MATCAP1: variants seen among roughly 807,000 people sequenced by gnomAD.
MATCAP1 encodes microtubule-associated tyrosine carboxypeptidase 1.
chr16:67,182,597 C>T, the MATCAP1 span, among the ~76,000 whole-genome samples: 90 of 152,344 alleles, frequency 5.9e-4, 2 homozygotes, highest in South Asian at 0.018. Flanking sequence ...AGCCTTCCAA[C>T]TAGCTGGAAC....
chr16:67,183,381 C>T, the MATCAP1 span: 13 of 152,334 alleles, frequency 8.5e-5, no homozygotes, highest in African/African-American at 2.9e-4. Flanking sequence ...TCAGTTTAGG[C>T]CTCACTTCCT....
the MATCAP1 span, chr16:67,178,031 C>T: frequency 1.9e-6 from 3 of 1,614,186 alleles, no homozygotes; most frequent in South Asian, 1.1e-5. Flanking sequence ...AGGTCAGCAA[C>T]GGGAAATCGA....
At chr16:67,180,546 G>T in the MATCAP1 span, 4 of 1,537,378 alleles carry the variant, frequency 2.6e-6, no homozygotes, top group Non-Finnish European at 3.5e-6. Flanking sequence ...GCGCAGGGAT[G>T]GGGGACTGGT....
the MATCAP1 span, chr16:67,178,857 C>T: frequency 1.8e-6 from 1 of 541,464 alleles, no homozygotes; most frequent in Non-Finnish European, 3.5e-6. Flanking sequence ...GCCCAACATC[C>T]TGGGTGCCCA....
At chr16:67,176,981 G>A in the MATCAP1 span, 1 of 1,538,300 alleles carries the variant, frequency 6.5e-7, no homozygotes, top group South Asian at 1.2e-5. This position sits in a 1 kb window ranked among gnomAD's most constrained non-coding sequence, Gnocchi z 4.3. Context: ...GACACCTGCA[G>A]GAGGAAGCCG....
the MATCAP1 span, chr16:67,178,028 C>T: frequency 1.9e-6 from 3 of 1,614,094 alleles, no homozygotes; most frequent in Admixed American, 5.0e-5. Flanking sequence ...GTGAGGTCAG[C>T]AACGGGAAAT....
At chr16:67,176,992 G>A in the MATCAP1 span, 3 of 1,531,508 alleles carry the variant, frequency 2.0e-6, no homozygotes, top group Admixed American at 2.0e-5. The surrounding 1 kb of genome is among the most constrained non-coding windows in gnomAD (Gnocchi z 4.3). Context: ...GAGGAAGCCG[G>A]GCATCAGGCA....
the MATCAP1 span, among the ~76,000 whole-genome samples, chr16:67,182,774 T>C: frequency 6.6e-6 from 1 of 152,214 alleles, no homozygotes; most frequent in Non-Finnish European, 1.5e-5. Flanking sequence ...ACCATGTTAT[T>C]AGAAAAGCCT....
chr16:67,179,857 C>T, the MATCAP1 span: 8 of 1,614,104 alleles, frequency 5.0e-6, no homozygotes, highest in Admixed American at 3.3e-5. The surrounding 1 kb of genome is among the most constrained non-coding windows in gnomAD (Gnocchi z 5.2). Context: ...TGCGCACAAT[C>T]GACCATATCT....
the MATCAP1 span, chr16:67,178,333 T>C: frequency 1.3e-6 from 2 of 1,581,064 alleles, no homozygotes; most frequent in Non-Finnish European, 1.7e-6. Context: ...GTGGATGGTG[T>C]AGTAGAGCAG....
At chr16:67,177,089 C>CA in the MATCAP1 span, 1 of 844,330 alleles carries the variant, frequency 1.2e-6, no homozygotes, top group African/African-American at 1.8e-5. Flanking sequence ...CTTCCTCTCC[C>CA]CTCCTGATCC....
chr16:67,178,250 A>C, the MATCAP1 span: 1 of 1,562,236 alleles, frequency 6.4e-7, no homozygotes, highest in Non-Finnish European at 8.7e-7. Context: ...CAGTACTCCC[A>C]GCGCACATCG....
the MATCAP1 span, chr16:67,177,893 CCCCTACCACCACAGGCCTGACACCCAG>C: frequency 1.2e-6 from 1 of 851,284 alleles, no homozygotes; most frequent in Admixed American, 2.5e-5. Context: ...CCCACGCTCC[CCCCTACCACCACAGGCCTGACACCCAG>C]CCCTCGGTCT....
At chr16:67,179,468 C>T in the MATCAP1 span, 3 of 1,612,304 alleles carry the variant, frequency 1.9e-6, no homozygotes, top group Admixed American at 1.7e-5. The surrounding 1 kb of genome is among the most constrained non-coding windows in gnomAD (Gnocchi z 5.2). Flanking sequence ...CCAGTACTGG[C>T]GGGCTCCGGT....
chr16:67,178,707 C>T, the MATCAP1 span: 1 of 704,290 alleles, frequency 1.4e-6, no homozygotes, highest in Non-Finnish European at 2.6e-6. Context: ...ACCCAAGGAT[C>T]CACAGAGGCT....
At chr16:67,177,359 G>A in the MATCAP1 span, among the ~76,000 whole-genome samples, 2 of 152,124 alleles carry the variant, frequency 1.3e-5, no homozygotes, top group Admixed American at 6.5e-5. Flanking sequence ...CAGTCACCCA[G>A]GTCAGATTCC....
At chr16:67,178,076 G>T in the MATCAP1 span, 2 of 1,614,156 alleles carry the variant, frequency 1.2e-6, no homozygotes, top group Non-Finnish European at 1.7e-6. Context: ...GCACGATGCC[G>T]TCCAGGTACA....
chr16:67,179,609 G>A, the MATCAP1 span: 1 of 1,568,076 alleles, frequency 6.4e-7, no homozygotes, highest in Non-Finnish European at 8.8e-7. This position sits in a 1 kb window ranked among gnomAD's most constrained non-coding sequence, Gnocchi z 5.2. Context: ...CTGGGGCCAG[G>A]GTGCAGGTGG....
At chr16:67,178,862 T>A in the MATCAP1 span, 1 of 527,448 alleles carries the variant, frequency 1.9e-6, no homozygotes, top group Non-Finnish European at 3.6e-6. Context: ...ACATCCTGGG[T>A]GCCCATATCA....
Sources: gnomAD v4.1 joint callset for allele counts (sites outside exome capture counted in the v4.1 genomes callset) on GRCh38, gnomAD v4.1.1 for gene constraint, Gnocchi (gnomAD v3.1) non-coding constraint, MANE v1.5 for transcripts, NCBI Gene and HGNC (gene_info 2026-07-23, HGNC 2026-07-21) for gene names.